OPCML: variants seen among roughly 807,000 people sequenced by gnomAD.
OPCML encodes opioid binding protein/cell adhesion molecule like.
Under a neutral mutation model 37.8 loss-of-function variants are expected in OPCML, and 13 were observed. That is an observed-to-expected ratio of 0.34 (90% CI 0.22 to 0.55). OPCML has a LOEUF of 0.55. OPCML is among the 20% of genes least tolerant of loss of function. The probability of loss-of-function intolerance (pLI) is 0.91; values close to 1 mark genes in which losing one functional copy is unlikely to be tolerated. For missense variants in OPCML, 341 were observed against 435.6 expected (o/e 0.78, Z 1.93); for synonymous variants, 176 against 168.8 (o/e 1.04, Z -0.33).
chr11:133,520,017 T>A (rs116079550), intron 1 of OPCML, among the ~76,000 whole-genome samples: 304 of 152,274 alleles, frequency 2.0e-3, no homozygotes, highest in African/African-American at 7.1e-3. Context: ...GAGACCTTTA[T>A]GAATATTAAG....
At chr11:133,504,323 G>A (rs1290068354) in intron 1 of OPCML, among the ~76,000 whole-genome samples, 1 of 152,196 alleles carries the variant, frequency 6.6e-6, no homozygotes, top group Non-Finnish European at 1.5e-5. Flanking sequence ...AAAAGAAGAA[G>A]AATTTGAGAT....
At chr11:132,560,981 G>C (rs1047670873) in intron 3 of OPCML, among the ~76,000 whole-genome samples, 1 of 152,096 alleles carries the variant, frequency 6.6e-6, no homozygotes, top group Non-Finnish European at 1.5e-5. Context: ...TGGTCATGAA[G>C]ACTTTGCATA....
intron 1 of OPCML, among the ~76,000 whole-genome samples, chr11:133,487,990 A>T (rs1418816491): frequency 1.3e-5 from 2 of 152,150 alleles, no homozygotes; most frequent in South Asian, 4.1e-4. Flanking sequence ...AATAAATGTG[A>T]TATATCGCAT....
At chr11:133,010,933 A>G (rs1947201011) in intron 1 of OPCML, among the ~76,000 whole-genome samples, 1 of 152,238 alleles carries the variant, frequency 6.6e-6, no homozygotes, top group African/African-American at 2.4e-5. Context: ...AGTTCGTAAT[A>G]AGTTCACATA....
intron 1 of OPCML, among the ~76,000 whole-genome samples, chr11:133,494,542 T>TA (rs1478803999): frequency 6.8e-5 from 10 of 146,466 alleles, no homozygotes; most frequent in African/African-American, 2.6e-4. Flanking sequence ...TATGCAGCCA[T>TA]AAAAAATGAT....
At chr11:133,187,022 C>T (rs961982398) in intron 1 of OPCML, among the ~76,000 whole-genome samples, 6 of 152,144 alleles carry the variant, frequency 3.9e-5, no homozygotes, top group Admixed American at 3.9e-4. Flanking sequence ...AGATGATCCA[C>T]AGCCTGTTTA....
intron 3 of OPCML, among the ~76,000 whole-genome samples, chr11:132,614,060 C>A (rs142469855): frequency 2.2e-4 from 34 of 152,120 alleles, no homozygotes; most frequent in African/African-American, 8.2e-4. Flanking sequence ...TATTCCATAA[C>A]CATGCCCAAG....
intron 3 of OPCML, among the ~76,000 whole-genome samples, chr11:132,575,219 C>T (rs2096447598): frequency 6.6e-6 from 1 of 152,012 alleles, no homozygotes; most frequent in Non-Finnish European, 1.5e-5. Flanking sequence ...AAAATCCACT[C>T]AGCCACTCAA....
At chr11:133,526,891 T>C (rs1458036067) in intron 1 of OPCML, among the ~76,000 whole-genome samples, 7 of 152,344 alleles carry the variant, frequency 4.6e-5, no homozygotes, top group Middle Eastern at 3.4e-3. Context: ...GCCACCTGCC[T>C]GGCCCTCTCT....
At chr11:133,531,754 A>G (rs992996227) in intron 1 of OPCML, among the ~76,000 whole-genome samples, 6 of 150,268 alleles carry the variant, frequency 4.0e-5, no homozygotes, top group African/African-American at 1.5e-4. Context: ...GGAGAGAGAG[A>G]GAGAGAGAGA....
intron 1 of OPCML, among the ~76,000 whole-genome samples, chr11:133,510,911 A>ACACACC (rs1948144482): frequency 6.6e-6 from 1 of 151,832 alleles, no homozygotes; most frequent in Admixed American, 6.6e-5. Flanking sequence ...ACGCACACAC[A>ACACACC]CACACACACA....
chr11:133,049,837 C>G (rs7933468), intron 1 of OPCML, among the ~76,000 whole-genome samples: 5,275 of 152,308 alleles, frequency 0.035, 130 homozygotes, highest in Middle Eastern at 0.078. Context: ...TAGTGTATTT[C>G]CAGTTAGCTG....
chr11:132,724,949 G>T (rs765919017), intron 2 of OPCML, among the ~76,000 whole-genome samples: 12 of 152,206 alleles, frequency 7.9e-5, no homozygotes, highest in Admixed American at 2.0e-4. Context: ...CCGTGGTTTT[G>T]CAGGGTACAG....
chr11:132,560,579 T>C (rs1017557329), intron 3 of OPCML, among the ~76,000 whole-genome samples: 3 of 152,214 alleles, frequency 2.0e-5, no homozygotes, highest in Non-Finnish European at 4.4e-5. Context: ...ATAGTTTAGC[T>C]CCCATTTATG....
intron 1 of OPCML, among the ~76,000 whole-genome samples, chr11:133,210,063 C>T (rs186404229): frequency 5.9e-5 from 9 of 152,260 alleles, no homozygotes; most frequent in African/African-American, 7.2e-5. Flanking sequence ...CGTGCTACCG[C>T]GACAATGCAT....
intron 2 of OPCML, among the ~76,000 whole-genome samples, chr11:132,817,764 G>A (rs566705896): frequency 1.9e-4 from 28 of 149,344 alleles, no homozygotes; most frequent in South Asian, 1.7e-3. Flanking sequence ...CCCCTCCCCC[G>A]CCAAAAAAAA....
intron 1 of OPCML, among the ~76,000 whole-genome samples, chr11:133,116,092 C>G (rs1179438889): frequency 6.6e-6 from 1 of 152,098 alleles, no homozygotes; most frequent in African/African-American, 2.4e-5. Flanking sequence ...CCTCAGCCTC[C>G]CAAGTAGCTG....
At chr11:132,568,233 C>T (rs1178374058) in intron 3 of OPCML, among the ~76,000 whole-genome samples, 1 of 152,102 alleles carries the variant, frequency 6.6e-6, no homozygotes, top group Non-Finnish European at 1.5e-5. Flanking sequence ...TAATCAGTAA[C>T]ATACACAAAG....
chr11:133,057,620 T>C (rs1469947273), intron 1 of OPCML, among the ~76,000 whole-genome samples: 2 of 152,240 alleles, frequency 1.3e-5, no homozygotes, highest in Admixed American at 1.3e-4. Context: ...AGCCTGCCCC[T>C]GTCCCTAGCA....
Sources: gnomAD v4.1 joint callset for allele counts (sites outside exome capture counted in the v4.1 genomes callset) on GRCh38, gnomAD v4.1.1 for gene constraint, MANE v1.5 for transcripts, NCBI Gene and HGNC (gene_info 2026-07-23, HGNC 2026-07-21) for gene names.